Variants in FALEC observed in about 807,000 individuals in gnomAD.
FALEC encodes the protein focally amplified lncRNA on chromosome 1.
At chr1:150,526,937 A>ATATT in the FALEC span, among the ~76,000 whole-genome samples, 1 of 135,860 alleles carries the variant, frequency 7.4e-6, no homozygotes, top group Non-Finnish European at 1.6e-5. Flanking sequence ...CCTGGCCTAT[A>ATATT]TATTTATTTA....
At chr1:150,521,273 G>C (rs1384044808), downstream of FALEC, among the ~76,000 whole-genome samples, 1 of 152,202 alleles carries the variant, frequency 6.6e-6, no homozygotes, top group African/African-American at 2.4e-5. Context: ...GGCTGGGTCA[G>C]AGTTTATTTG....
chr1:150,536,502 G>C, the FALEC span, among the ~76,000 whole-genome samples: 1 of 152,196 alleles, frequency 6.6e-6, no homozygotes, highest in Non-Finnish European at 1.5e-5. Flanking sequence ...GGTTTCTAAA[G>C]TTCCTAGGGC....
downstream of FALEC, among the ~76,000 whole-genome samples, chr1:150,522,979 A>ATTTT (rs1560270901): frequency 4.4e-5 from 1 of 22,890 alleles, no homozygotes; most frequent in African/African-American, 2.1e-4. Flanking sequence ...ATATATATAT[A>ATTTT]TATATTTTTT....
chr1:150,532,684 C>A, the FALEC span, among the ~76,000 whole-genome samples: 2 of 152,068 alleles, frequency 1.3e-5, no homozygotes, highest in African/African-American at 4.8e-5. Flanking sequence ...AGTGTGTGCG[C>A]CAGGCCCTGT....
downstream of FALEC, among the ~76,000 whole-genome samples, chr1:150,519,793 G>A (rs918076781): frequency 6.6e-6 from 1 of 152,080 alleles, no homozygotes; most frequent in African/African-American, 2.4e-5. Flanking sequence ...TTGAACCTGG[G>A]AGGCAGAAGT....
the FALEC span, among the ~76,000 whole-genome samples, chr1:150,533,488 T>C: frequency 5.1e-5 from 7 of 137,780 alleles, no homozygotes; most frequent in Admixed American, 8.3e-5. Flanking sequence ...CAGGCTGGAG[T>C]GCAGTGGTGC....
At chr1:150,519,595 G>A (rs1560269779), downstream of FALEC, among the ~76,000 whole-genome samples, 1 of 151,976 alleles carries the variant, frequency 6.6e-6, no homozygotes, top group African/African-American at 2.4e-5. Context: ...GGTGGCTCAC[G>A]CCTGTAATCC....
At chr1:150,522,136 A>G (rs1267096577), downstream of FALEC, among the ~76,000 whole-genome samples, 2 of 151,556 alleles carry the variant, frequency 1.3e-5, no homozygotes, top group East Asian at 3.9e-4. Context: ...AATCCCAGCT[A>G]CTCTGGAGGT....
At chr1:150,531,943 C>T in the FALEC span, among the ~76,000 whole-genome samples, 1 of 152,220 alleles carries the variant, frequency 6.6e-6, no homozygotes, top group African/African-American at 2.4e-5. Context: ...CTTGCTCTGT[C>T]GCCCAGGCTG....
chr1:150,528,191 C>T, the FALEC span, among the ~76,000 whole-genome samples: 8 of 152,030 alleles, frequency 5.3e-5, no homozygotes, highest in African/African-American at 1.9e-4. Context: ...GAACCAGAGC[C>T]CTTTCTCTTT....
chr1:150,525,689 C>T, the FALEC span, among the ~76,000 whole-genome samples: 1 of 152,158 alleles, frequency 6.6e-6, no homozygotes, highest in African/African-American at 2.4e-5. Flanking sequence ...CTCATTTTGC[C>T]TAGCTTATTT....
At chr1:150,519,652 C>T (rs1436902129), downstream of FALEC, among the ~76,000 whole-genome samples, 2 of 151,454 alleles carry the variant, frequency 1.3e-5, no homozygotes, top group African/African-American at 4.9e-5. Context: ...GTCAGGAGTT[C>T]GAGACCAGCC....
At chr1:150,518,352 T>C (rs1273067979), downstream of FALEC, among the ~76,000 whole-genome samples, 2 of 151,942 alleles carry the variant, frequency 1.3e-5, no homozygotes, top group African/African-American at 4.8e-5. Context: ...TCTCTCCTTT[T>C]TCCTTGTAGT....
downstream of FALEC, among the ~76,000 whole-genome samples, chr1:150,522,969 A>ATTTTT (rs1560270834): frequency 6.1e-5 from 2 of 32,724 alleles, no homozygotes; most frequent in Non-Finnish European, 1.2e-4. Context: ...ATATATATAT[A>ATTTTT]TATATATATA....
rs587641095 is a variant in FALEC at position 150,515,814 on chromosome 1, G to C, written n.58G>C. 251 of 152,606 alleles carry C rather than the reference G, an allele frequency of 1.6e-3. 1 individual carries two copies. The highest frequency in any genetic ancestry group is 2.7e-3 in the Non-Finnish European group (185 of 68,244). 9.5% of individuals were successfully genotyped at this position (152,606 alleles called of 1,614,324 possible). A position where few individuals can be genotyped will look rare whatever the true frequency, so the allele number is the denominator to read the frequency against. ...CCGGGGGAGGCAGGGGGAAAAGGCC[G>C]GCCCAGCAATTCCCCTACCCCCCGG... is the stretch of plus-strand genomic sequence containing the variant. On this transcript the variant is annotated non_coding_transcript_exon_variant, in exon 1 of 2. Coordinates refer to ENST00000416894, the Ensembl canonical transcript of FALEC.
At chr1:150,531,585 C>G in the FALEC span, among the ~76,000 whole-genome samples, 4 of 152,158 alleles carry the variant, frequency 2.6e-5, no homozygotes, top group Non-Finnish European at 5.9e-5. Flanking sequence ...CTAAATCAGG[C>G]CTGCAAGAAG....
the FALEC span, among the ~76,000 whole-genome samples, chr1:150,529,016 CAAAAAAAAA>C: frequency 4.0e-4 from 24 of 59,288 alleles, no homozygotes; most frequent in African/African-American, 1.6e-3. Flanking sequence ...AAATAAATAG[CAAAAAAAAA>C]AAAAAAAAAA....
At chr1:150,528,490 G>A in the FALEC span, among the ~76,000 whole-genome samples, 1 of 151,236 alleles carries the variant, frequency 6.6e-6, no homozygotes, top group Non-Finnish European at 1.5e-5. Flanking sequence ...TCCTCAGGGA[G>A]ACCTTCCTGA....
At chr1:150,533,798 CAG>C in the FALEC span, among the ~76,000 whole-genome samples, 9 of 152,144 alleles carry the variant, frequency 5.9e-5, no homozygotes, top group Non-Finnish European at 1.0e-4. Context: ...AGCCTCTCAG[CAG>C]AGTCTCTGTG....
Sources: allele counts gnomAD v4.1 joint callset (sites outside exome capture counted in the v4.1 genomes callset), GRCh38; gene constraint gnomAD v4.1.1; transcripts MANE v1.5; gene names NCBI Gene and HGNC (gene_info 2026-07-23, HGNC 2026-07-21).